The following STPG2 variants were observed in gnomAD, a reference collection of about 807,000 sequenced individuals.
The protein encoded by STPG2 is sperm-tail PG-rich repeat-containing protein 2.
In STPG2, 56 loss-of-function variants were observed where a neutral mutation model predicts 54.2. That is an observed-to-expected ratio of 1.03 (90% CI 0.83 to 1.29). The LOEUF is 1.29. Among genes scored for constraint, STPG2 ranks in the 50% most tolerant of loss-of-function variants. The pLI, the probability that STPG2 is intolerant of heterozygous loss-of-function variation, is 0.00. For missense variants in STPG2, 596 were observed against 544.9 expected, an observed-to-expected ratio of 1.09 and a Z score of -0.93; for synonymous variants, 200 against 181.8, an observed-to-expected ratio of 1.10 and a Z score of -0.81.
chr4:97,585,119 A>AAG (rs1422622699), intron 10 of STPG2, among the ~76,000 whole-genome samples: 1 of 127,622 alleles, frequency 7.8e-6, no homozygotes, highest in Non-Finnish European at 1.5e-5. Flanking sequence ...AAAAAAAAAA[A>AAG]AAAAACAAAA....
chr4:97,825,013 G>A (rs1227872475), intron 9 of STPG2, among the ~76,000 whole-genome samples: 1 of 151,936 alleles, frequency 6.6e-6, no homozygotes, highest in South Asian at 2.1e-4. Context: ...GCTAAAATCA[G>A]GTAATAAGAA....
intron 4 of STPG2, among the ~76,000 whole-genome samples, chr4:97,459,834 G>C (rs370052350): frequency 9.9e-5 from 15 of 152,052 alleles, no homozygotes; most frequent in African/African-American, 3.6e-4. Flanking sequence ...TTAGTGTGTT[G>C]ATTGGGTCCT....
chr4:97,787,535 T>G (rs1560527828), intron 9 of STPG2, among the ~76,000 whole-genome samples: 4 of 152,068 alleles, frequency 2.6e-5, no homozygotes, highest in Non-Finnish European at 5.9e-5. Flanking sequence ...TGATATTTTG[T>G]TAAAGATTTT....
chr4:97,997,972 T>C (rs1324138209), intron 5 of STPG2, among the ~76,000 whole-genome samples: 1 of 152,102 alleles, frequency 6.6e-6, no homozygotes, highest in Admixed American at 6.6e-5. Context: ...GAAGAAGATA[T>C]TAAAGAACGG....
chr4:97,791,693 T>C (rs896871185), intron 9 of STPG2, among the ~76,000 whole-genome samples: 2 of 152,074 alleles, frequency 1.3e-5, no homozygotes, highest in East Asian at 1.9e-4. Flanking sequence ...TTATTACATA[T>C]ATAGAACTGT....
At chr4:97,905,344 T>C (rs1381964501) in intron 8 of STPG2, among the ~76,000 whole-genome samples, 1 of 152,022 alleles carries the variant, frequency 6.6e-6, no homozygotes, top group Non-Finnish European at 1.5e-5. Flanking sequence ...CAATTTCATA[T>C]CCAGCCAAAC....
In STPG2 at chr4:98,067,243, C is replaced by T. The variant is rs1273638131; in HGVS notation, c.612+38710G>A. ...AGAGAGGTAGGCTTTTTACAGAAAG[C>T]AATGCTGGAACTGTACCTTAGAAGA... On this transcript the variant is annotated intron_variant, in intron 5 of 10. Coordinates refer to ENST00000295268, the MANE Select transcript of STPG2 (RefSeq NM_174952.3). 2.6e-5 allele frequency among the ~76,000 whole-genome samples: 4 copies of T among 152,076 alleles called. 1 individual carries two copies. The highest frequency in any genetic ancestry group is 5.9e-5 in the Non-Finnish European group (4 of 67,994).
chr4:97,893,758 T>A (rs1431341834), intron 8 of STPG2, among the ~76,000 whole-genome samples: 1 of 151,944 alleles, frequency 6.6e-6, no homozygotes, highest in East Asian at 1.9e-4. Flanking sequence ...TAGTTACAAA[T>A]GGTACATTAT....
chr4:97,762,132 C>T (rs951647132), intron 9 of STPG2, among the ~76,000 whole-genome samples: 3 of 152,128 alleles, frequency 2.0e-5, no homozygotes, highest in Admixed American at 2.0e-4. Context: ...ATCAGTGAAG[C>T]TAATGTCAAA....
chr4:97,511,202 T>A (rs989493750), intron 4 of STPG2, among the ~76,000 whole-genome samples: 1 of 151,924 alleles, frequency 6.6e-6, no homozygotes, highest in Non-Finnish European at 1.5e-5. Context: ...CCAAAGTACA[T>A]GCTATTTACA....
intron 4 of STPG2, among the ~76,000 whole-genome samples, chr4:97,545,662 G>A (rs1317561465): frequency 6.6e-6 from 1 of 151,940 alleles, no homozygotes; most frequent in Non-Finnish European, 1.5e-5. Context: ...CTGGAAAGAA[G>A]GTGAAGTTTC....
At chr4:97,931,701 TTG>T (rs973300636) in intron 8 of STPG2, among the ~76,000 whole-genome samples, 4 of 151,608 alleles carry the variant, frequency 2.6e-5, no homozygotes, top group African/African-American at 2.4e-5. Context: ...TTTTATCTTT[TTG>T]TGTGTGTGTG....
At chr4:97,966,605 G>T (rs1734107769) in intron 7 of STPG2, among the ~76,000 whole-genome samples, 2 of 152,158 alleles carry the variant, frequency 1.3e-5, no homozygotes, top group African/African-American at 4.8e-5. Flanking sequence ...AAGAAAAAAT[G>T]TTAAGGGCAG....
intron 10 of STPG2, among the ~76,000 whole-genome samples, chr4:97,707,723 A>G (rs1723992921): frequency 2.0e-5 from 3 of 152,318 alleles, no homozygotes; most frequent in African/African-American, 7.2e-5. Flanking sequence ...AGTCCAAATT[A>G]TAAGTGAAAG....
At chr4:97,521,099 C>T (rs937438859) in intron 4 of STPG2, among the ~76,000 whole-genome samples, 2 of 151,862 alleles carry the variant, frequency 1.3e-5, no homozygotes, top group Non-Finnish European at 2.9e-5. Context: ...CTGTTTGTTA[C>T]TATTGTACAT....
At chr4:97,855,394 G>T (rs909585222) in intron 8 of STPG2, among the ~76,000 whole-genome samples, 1 of 151,950 alleles carries the variant, frequency 6.6e-6, no homozygotes, top group Non-Finnish European at 1.5e-5. Flanking sequence ...TCTCATTGTG[G>T]TTTTGATTTC....
chr4:97,957,048 C>A (rs539904851), intron 7 of STPG2, among the ~76,000 whole-genome samples: 1 of 145,260 alleles, frequency 6.9e-6, no homozygotes, highest in Admixed American at 7.2e-5. Context: ...CAGAGAAAGT[C>A]AGAGCCCAAT....
chr4:97,728,989 G>C (rs1447834028), intron 9 of STPG2, among the ~76,000 whole-genome samples: 1 of 151,542 alleles, frequency 6.6e-6, no homozygotes, highest in African/African-American at 2.4e-5. Context: ...CAGAGTGGGA[G>C]AAAGAAAGAG....
chr4:97,935,178 T>G (rs1732703435), intron 8 of STPG2, among the ~76,000 whole-genome samples: 1 of 152,162 alleles, frequency 6.6e-6, no homozygotes, highest in Non-Finnish European at 1.5e-5. Context: ...CATTGTTATA[T>G]TTCTGTGGGT....
Sources: gnomAD v4.1 joint callset for allele counts (sites outside exome capture counted in the v4.1 genomes callset) on GRCh38, gnomAD v4.1.1 for gene constraint, MANE v1.5 for transcripts, NCBI Gene and HGNC (gene_info 2026-07-23, HGNC 2026-07-21) for gene names.